The following RBM33 variants were observed in gnomAD, a reference collection of about 807,000 sequenced individuals.
The protein encoded by RBM33 is RNA-binding protein 33.
RBM33 carries 28 observed loss-of-function variants against 132.6 expected under a neutral mutation model. That is an observed-to-expected ratio of 0.21 (90% confidence interval 0.16 to 0.29). The LOEUF (loss-of-function observed/expected upper bound fraction) is 0.29. Among genes scored for constraint, RBM33 ranks in the 10% least tolerant of loss-of-function variants. The pLI is 1.00. For synonymous variants in RBM33, 634 were observed against 593.0 expected, an observed-to-expected ratio of 1.07 and a Z score of -1.01; for missense variants, 1,291 against 1,518.5, an observed-to-expected ratio of 0.85 and a Z score of 2.49.
intron 16 of RBM33, among the ~76,000 whole-genome samples, chr7:155,770,687 G>C (rs1474117723): frequency 6.7e-6 from 1 of 149,814 alleles, no homozygotes; most frequent in Non-Finnish European, 1.5e-5. Context: ...TAGGATTGCA[G>C]AATCAGTTGT....
chr7:155,644,958 C>G, intron 1 of RBM33, 39 bp downstream of exon 1: 1 of 1,451,872 alleles, frequency 6.9e-7, no homozygotes, highest in Admixed American at 2.4e-5. Context: ...CAGGACCGCG[C>G]CGCGGTGGGC....
intron 16 of RBM33, among the ~76,000 whole-genome samples, chr7:155,770,111 A>C (rs763973797): frequency 3.9e-5 from 6 of 152,236 alleles, no homozygotes; most frequent in Non-Finnish European, 7.3e-5. Flanking sequence ...CAAAAGGAGC[A>C]ACGCGCCCGG....
chr7:155,701,931 C>G (rs1190640195), intron 6 of RBM33, among the ~76,000 whole-genome samples: 2 of 152,144 alleles, frequency 1.3e-5, no homozygotes, highest in African/African-American at 2.4e-5. Flanking sequence ...AGTGATCCAC[C>G]CGGCTCAGCC....
chr7:155,649,875 A>G (rs972899761), intron 1 of RBM33, among the ~76,000 whole-genome samples: 1 of 152,122 alleles, frequency 6.6e-6, no homozygotes, highest in Non-Finnish European at 1.5e-5. Context: ...TATAACCCCA[A>G]CCTTAGCCTC....
chr7:155,715,346 C>T (rs151328943), intron 8 of RBM33, among the ~76,000 whole-genome samples: 116 of 152,152 alleles, frequency 7.6e-4, no homozygotes, highest in Middle Eastern at 6.8e-3. Context: ...TGTAAAATGC[C>T]GTGGAAAGCT....
At chr7:155,669,210 C>G (rs1563135288) in intron 2 of RBM33, among the ~76,000 whole-genome samples, 1 of 152,098 alleles carries the variant, frequency 6.6e-6, no homozygotes, top group Admixed American at 6.5e-5. Context: ...ATGGTAAGTT[C>G]TTCTGCCATG....
intron 1 of RBM33, among the ~76,000 whole-genome samples, chr7:155,649,109 T>A (rs2057627364): frequency 6.6e-6 from 1 of 152,210 alleles, no homozygotes; most frequent in Admixed American, 6.5e-5. Flanking sequence ...GTTTTCTCCT[T>A]CTGGGACTCC....
intron 14 of RBM33, among the ~76,000 whole-genome samples, chr7:155,759,665 C>T (rs112136435): frequency 0.01 from 1,556 of 152,186 alleles, 17 homozygotes; most frequent in Non-Finnish European, 0.018. Flanking sequence ...GTGATCCACC[C>T]GCCTCGGCCT....
chr7:155,699,607 G>A (rs1398046287), intron 5 of RBM33, among the ~76,000 whole-genome samples: 3 of 152,150 alleles, frequency 2.0e-5, no homozygotes, highest in Admixed American at 6.5e-5. Flanking sequence ...CTGAGTGGGG[G>A]TATTGTAATT....
chr7:155,691,710 G>C (rs1273564224), intron 5 of RBM33, among the ~76,000 whole-genome samples: 1 of 152,106 alleles, frequency 6.6e-6, no homozygotes, highest in Non-Finnish European at 1.5e-5. Context: ...TTTAACTTCA[G>C]TTCCTGGACA....
At chr7:155,659,592 C>A (rs1365196078) in intron 1 of RBM33, among the ~76,000 whole-genome samples, 1 of 151,904 alleles carries the variant, frequency 6.6e-6, no homozygotes, top group East Asian at 1.9e-4. Flanking sequence ...TCTAAAGGAC[C>A]TACGGGACAC....
chr7:155,757,220 C>T (rs4716549), intron 14 of RBM33, among the ~76,000 whole-genome samples: 9,838 of 152,168 alleles, frequency 0.065, 482 homozygotes, highest in African/African-American at 0.14. Context: ...ATCCAAACTA[C>T]GCTCCTGGCC....
chr7:155,764,888 TATCTC>T (rs1247855632), intron 15 of RBM33, among the ~76,000 whole-genome samples: 2 of 152,284 alleles, frequency 1.3e-5, no homozygotes, highest in South Asian at 4.1e-4. Flanking sequence ...TACTTCGTCT[TATCTC>T]ATAAACACTT....
intron 14 of RBM33, among the ~76,000 whole-genome samples, chr7:155,748,431 A>T (rs531623939): frequency 7.2e-5 from 11 of 152,336 alleles, no homozygotes; most frequent in Non-Finnish European, 1.5e-4. Context: ...CAGTTGAAAT[A>T]TGTGTCCACA....
intron 12 of RBM33, 26 bp downstream of exon 12, chr7:155,740,052 G>A (rs1475550463): frequency 2.0e-6 from 3 of 1,494,230 alleles, no homozygotes; most frequent in Non-Finnish European, 2.7e-6. Flanking sequence ...TGTCTTCCCT[G>A]TGTCTTCCTG....
At chr7:155,758,002 A>G (rs146211651) in intron 14 of RBM33, among the ~76,000 whole-genome samples, 5 of 152,268 alleles carry the variant, frequency 3.3e-5, no homozygotes, top group Non-Finnish European at 7.4e-5. Flanking sequence ...CCATGATCCA[A>G]ACACCTCCCA....
At chr7:155,695,303 T>G (rs1243151838) in intron 5 of RBM33, among the ~76,000 whole-genome samples, 1 of 152,250 alleles carries the variant, frequency 6.6e-6, no homozygotes, top group African/African-American at 2.4e-5. Flanking sequence ...ATTTTCTACA[T>G]GTATCATCTC....
At chr7:155,656,651 A>G (rs1294678619) in intron 1 of RBM33, among the ~76,000 whole-genome samples, 1 of 152,250 alleles carries the variant, frequency 6.6e-6, no homozygotes, top group Non-Finnish European at 1.5e-5. Context: ...AGATAGAAGA[A>G]TTCAGCTGTT....
chr7:155,680,531 T>G, intron 4 of RBM33, 59 bp from the exon 5 acceptor site: 1 of 1,185,028 alleles, frequency 8.4e-7, no homozygotes, highest in Non-Finnish European at 1.2e-6. Context: ...TATATAATGA[T>G]TTAGTTTGAG....
Sources: allele counts gnomAD v4.1 joint callset (sites outside exome capture counted in the v4.1 genomes callset), GRCh38; gene constraint gnomAD v4.1.1; transcripts MANE v1.5; gene names NCBI Gene and HGNC (gene_info 2026-07-23, HGNC 2026-07-21).